Variants in ZNF600 observed in about 807,000 individuals in gnomAD.
ZNF600 encodes the protein zinc finger protein 600.
In ZNF600, 4 loss-of-function variants were observed where a neutral mutation model predicts 7.3. That is an observed-to-expected ratio of 0.55 (90% CI 0.27 to 1.25). The LOEUF (loss-of-function observed/expected upper bound fraction) is 1.25. ZNF600 is among the 50% of genes most tolerant of loss of function. The pLI is 0.12. For missense variants in ZNF600, 911 were observed against 922.1 expected (o/e 0.99, Z 0.16); for synonymous variants, 290 against 308.9 (o/e 0.94, Z 0.64).
chr19:52,817,500 A>T, the ZNF600 span, among the ~76,000 whole-genome samples: 1 of 152,218 alleles, frequency 6.6e-6, no homozygotes, highest in South Asian at 2.1e-4. Flanking sequence ...AAAATGTGGT[A>T]TAAAATCAGG....
At chr19:52,830,557 G>A in the ZNF600 span, among the ~76,000 whole-genome samples, 1 of 152,074 alleles carries the variant, frequency 6.6e-6, no homozygotes, top group East Asian at 1.9e-4. Flanking sequence ...CACAAGCGCT[G>A]AGCTGCGCTG....
chr19:52,768,782 C>T (rs189956923), intron 3 of ZNF600, among the ~76,000 whole-genome samples: 1 of 152,100 alleles, frequency 6.6e-6, no homozygotes, highest in East Asian at 1.9e-4. Flanking sequence ...TTCGAGGGCA[C>T]AAGCTGTTCC....
At chr19:52,782,405 C>T (rs2062730010) in intron 1 of ZNF600, among the ~76,000 whole-genome samples, 1 of 151,328 alleles carries the variant, frequency 6.6e-6, no homozygotes, top group Non-Finnish European at 1.5e-5. Flanking sequence ...TGCCTGTAAT[C>T]ATAACTACTC....
the ZNF600 span, chr19:52,809,754 G>C: frequency 2.2e-6 from 1 of 460,296 alleles, no homozygotes; most frequent in Non-Finnish European, 3.8e-6. Context: ...GCAGTGAGCT[G>C]AGATCATGCC....
exon 1 of ZNF600, chr19:52,786,788 G>T: frequency 2.7e-6 from 1 of 373,766 alleles, no homozygotes; most frequent in Non-Finnish European, 5.6e-6. Flanking sequence ...GCGCGCCCAG[G>T]ACTGAAGCCA....
At chr19:52,821,260 G>C in the ZNF600 span, among the ~76,000 whole-genome samples, 11 of 152,266 alleles carry the variant, frequency 7.2e-5, no homozygotes, top group Non-Finnish European at 1.3e-4. Context: ...GCTGGGAGGC[G>C]CACAGGGTGG....
At chr19:52,774,634 G>A (rs200476490) in exon 3 of ZNF600, 657 of 985,294 alleles carry the variant, frequency 6.7e-4, no homozygotes, top group Admixed American at 2.1e-3. Flanking sequence ...AGCCCTCTGC[G>A]AAGGGTTCAG....
chr19:52,786,357 G>A (rs972238954), intron 1 of ZNF600, among the ~76,000 whole-genome samples: 1 of 152,198 alleles, frequency 6.6e-6, no homozygotes, highest in Non-Finnish European at 1.5e-5. Context: ...CGGGGCTGGG[G>A]CCGGGGCGCC....
At chr19:52,810,858 T>TCCCCCCCCCCCCCC in the ZNF600 span, 1 of 45,064 alleles carries the variant, frequency 2.2e-5, no homozygotes, top group Non-Finnish European at 3.5e-5. Context: ...CCTCTCCCTC[T>TCCCCCCCCCCCCCC]CCCCCTCCCC....
chr19:52,807,376 T>C, the ZNF600 span, among the ~76,000 whole-genome samples: 4 of 152,210 alleles, frequency 2.6e-5, no homozygotes, highest in African/African-American at 9.6e-5. Flanking sequence ...TAATATGTAG[T>C]ATGTGGACAT....
the ZNF600 span, chr19:52,801,000 T>C: frequency 1.1e-5 from 18 of 1,614,124 alleles, no homozygotes; most frequent in African/African-American, 1.5e-4. Context: ...GGATGTATTG[T>C]GACCAAAGAT....
chr19:52,810,286 A>C, the ZNF600 span: 1 of 1,479,156 alleles, frequency 6.8e-7, no homozygotes, highest in Non-Finnish European at 9.4e-7. Flanking sequence ...TCCATTGAGG[A>C]GAAGATGGAG....
exon 4 of ZNF600, chr19:52,767,179 C>T (rs759445479): frequency 2.5e-6 from 4 of 1,614,122 alleles, no homozygotes; most frequent in South Asian, 2.2e-5. Flanking sequence ...CCACATACAT[C>T]ACATTTATAT....
chr19:52,777,627 C>T (rs1429850841), intron 2 of ZNF600, among the ~76,000 whole-genome samples: 1 of 152,034 alleles, frequency 6.6e-6, no homozygotes, highest in Non-Finnish European at 1.5e-5. Flanking sequence ...GTCAGGAGTT[C>T]GAGACCAGCC....
chr19:52,796,623 T>G, the ZNF600 span, among the ~76,000 whole-genome samples: 5 of 152,254 alleles, frequency 3.3e-5, no homozygotes, highest in South Asian at 2.1e-4. Flanking sequence ...TGTGCCACCA[T>G]GCCCAGCTAA....
the ZNF600 span, among the ~76,000 whole-genome samples, chr19:52,824,482 A>G: frequency 6.6e-6 from 1 of 152,114 alleles, no homozygotes; most frequent in African/African-American, 2.4e-5. Context: ...TAAAGATACA[A>G]AAATTAGCGA....
At chr19:52,783,512 C>T (rs1002019604) in intron 1 of ZNF600, among the ~76,000 whole-genome samples, 1 of 152,032 alleles carries the variant, frequency 6.6e-6, no homozygotes, top group Non-Finnish European at 1.5e-5. Context: ...CAGGCGCCCG[C>T]CACCACGCCC....
chr19:52,810,621 T>C, the ZNF600 span: 1 of 1,452,272 alleles, frequency 6.9e-7, no homozygotes, highest in Non-Finnish European at 9.7e-7. Flanking sequence ...GTTCCTGCTC[T>C]CCATTCTACA....
chr19:52,799,543 T>A, the ZNF600 span: 1 of 1,417,238 alleles, frequency 7.1e-7, no homozygotes, highest in African/African-American at 1.4e-5. Flanking sequence ...CCAGTATGAA[T>A]GGCTTTGTGA....
Sources: gnomAD v4.1 joint callset for allele counts (sites outside exome capture counted in the v4.1 genomes callset) on GRCh38, gnomAD v4.1.1 for gene constraint, MANE v1.5 for transcripts, NCBI Gene and HGNC (gene_info 2026-07-23, HGNC 2026-07-21) for gene names.